Variants in SDK1 observed in about 807,000 individuals in gnomAD.
SDK1 encodes the protein sidekick cell adhesion molecule 1, also known as protein sidekick-1.
SDK1 carries 157 observed loss-of-function variants against 245.5 expected under a neutral mutation model. That is an observed-to-expected ratio of 0.64 (90% confidence interval 0.56 to 0.73). The LOEUF is 0.73. Among genes scored for constraint, SDK1 ranks in the 30% least tolerant of loss-of-function variants. The probability of loss-of-function intolerance (pLI) is 0.00; values close to 1 mark genes in which losing one functional copy is unlikely to be tolerated. For synonymous variants in SDK1, 1,647 were observed against 1,278.5 expected, an observed-to-expected ratio of 1.29 and a Z score of -6.15; for missense variants, 3,583 against 3,002.3, an observed-to-expected ratio of 1.19 and a Z score of -4.52.
At chr7:4,114,348 C>A in intron 25 of SDK1, 74 bp downstream of exon 25, 3 of 1,210,572 alleles carry the variant, frequency 2.5e-6, no homozygotes, top group Non-Finnish European at 3.5e-6. Context: ...GCCTCCAGAT[C>A]CCAGGCTAGT....
intron 4 of SDK1, among the ~76,000 whole-genome samples, chr7:3,808,439 C>T (rs142968676): frequency 1.3e-5 from 2 of 152,338 alleles, no homozygotes; most frequent in South Asian, 2.1e-4. Flanking sequence ...TGTCTCCCAA[C>T]TGTGGCTAAT....
intron 5 of SDK1, among the ~76,000 whole-genome samples, chr7:3,877,997 A>G (rs1310854720): frequency 3.3e-5 from 5 of 152,360 alleles, no homozygotes; most frequent in East Asian, 1.9e-4. Context: ...GGGAATGCCT[A>G]TTTTAAATAA....
At chr7:4,133,036 T>G (rs941064938) in intron 28 of SDK1, among the ~76,000 whole-genome samples, 4 of 152,226 alleles carry the variant, frequency 2.6e-5, no homozygotes, top group African/African-American at 9.6e-5. Context: ...TATGTTGATG[T>G]GTGTTTGAGA....
chr7:3,355,691 G>A (rs1255724415), intron 1 of SDK1, among the ~76,000 whole-genome samples: 3 of 151,960 alleles, frequency 2.0e-5, no homozygotes, highest in Middle Eastern at 3.2e-3. Context: ...GCAGACACCC[G>A]TCATTGCAAT....
At chr7:3,933,025 T>G (rs552917779) in intron 5 of SDK1, among the ~76,000 whole-genome samples, 1 of 151,700 alleles carries the variant, frequency 6.6e-6, no homozygotes, top group Non-Finnish European at 1.5e-5. Context: ...GCCACCGTGC[T>G]GGTAGACGAC....
At chr7:3,962,163 G>A (rs934891650) in intron 8 of SDK1, among the ~76,000 whole-genome samples, 25 of 152,336 alleles carry the variant, frequency 1.6e-4, no homozygotes, top group African/African-American at 5.8e-4. Flanking sequence ...TAACCTGCAT[G>A]TGAGGAAACA....
intron 1 of SDK1, among the ~76,000 whole-genome samples, chr7:3,356,352 T>A (rs1178780987): frequency 6.6e-6 from 1 of 152,160 alleles, no homozygotes; most frequent in East Asian, 1.9e-4. Context: ...GCCGTGCACA[T>A]CAAGAAGTAG....
intron 1 of SDK1, among the ~76,000 whole-genome samples, chr7:3,326,720 A>G (rs11979842): frequency 0.4 from 60,150 of 151,826 alleles, 12,166 homozygotes; most frequent in African/African-American, 0.48. Flanking sequence ...AATACATGCA[A>G]TGGTAGAGTA....
intron 4 of SDK1, among the ~76,000 whole-genome samples, chr7:3,712,928 C>G (rs1438776112): frequency 6.6e-6 from 1 of 152,226 alleles, no homozygotes; most frequent in Non-Finnish European, 1.5e-5. Context: ...GGTTAGTGCA[C>G]TGTTCCCTGA....
chr7:3,589,524 C>A (rs940478974), intron 1 of SDK1, among the ~76,000 whole-genome samples: 1 of 152,110 alleles, frequency 6.6e-6, no homozygotes, highest in Non-Finnish European at 1.5e-5. Context: ...TGAAGAAATA[C>A]CTGAGACTGG....
rs370563104 is a variant in SDK1 at position 4,157,868 on chromosome 7, C to A, written c.4626-580C>A. Among the ~76,000 whole-genome samples the A allele has an allele frequency of 2.2e-3, 332 of 152,250 alleles. 14 individuals carry two copies. In the South Asian group the frequency reaches 0.064, roughly 29 times the overall value. The stretch of plus-strand genomic sequence containing the variant: ...GGGGTGCGGGGCTGGCGGGTCTCTG[C>A]CTGCAGCCGGCCAGGAAGTGGACCT... On this transcript the variant is annotated intron_variant, in intron 30 of 44. Coordinates refer to ENST00000404826, the MANE Select transcript of SDK1 (RefSeq NM_152744.4).
At chr7:3,993,809 C>T (rs555297649) in intron 14 of SDK1, among the ~76,000 whole-genome samples, 2 of 152,250 alleles carry the variant, frequency 1.3e-5, no homozygotes, top group Admixed American at 6.5e-5. Flanking sequence ...ATTACCTGCA[C>T]CTCCTCACTT....
At chr7:3,667,311 G>A (rs905159759) in intron 4 of SDK1, among the ~76,000 whole-genome samples, 3 of 152,078 alleles carry the variant, frequency 2.0e-5, no homozygotes, top group Non-Finnish European at 4.4e-5. Flanking sequence ...TTATTACAAT[G>A]GTAACACCAT....
chr7:3,892,260 A>G (rs1781478694), intron 5 of SDK1, among the ~76,000 whole-genome samples: 1 of 152,188 alleles, frequency 6.6e-6, no homozygotes, highest in Admixed American at 6.5e-5. Context: ...GCTTCCAACA[A>G]CAAACACTTA....
chr7:4,115,487 C>T (rs924814887), intron 25 of SDK1, among the ~76,000 whole-genome samples: 1 of 152,212 alleles, frequency 6.6e-6, no homozygotes, highest in African/African-American at 2.4e-5. Context: ...CTCTTATTCG[C>T]TCTCTTTTGC....
intron 40 of SDK1, among the ~76,000 whole-genome samples, chr7:4,230,358 A>G (rs1013721785): frequency 5.2e-5 from 7 of 134,688 alleles, no homozygotes; most frequent in African/African-American, 1.9e-4. Context: ...GGATGCCTGG[A>G]TGGATAGATG....
chr7:3,577,196 A>G (rs898248573), intron 1 of SDK1, among the ~76,000 whole-genome samples: 50 of 152,164 alleles, frequency 3.3e-4, no homozygotes, highest in African/African-American at 1.1e-3. Flanking sequence ...CAAGACCCCC[A>G]TAGCCCACCT....
At chr7:3,516,242 A>T (rs1182751978) in intron 1 of SDK1, among the ~76,000 whole-genome samples, 2 of 151,796 alleles carry the variant, frequency 1.3e-5, no homozygotes, top group African/African-American at 4.8e-5. Flanking sequence ...TGTGATATAT[A>T]CATAGTATGT....
At chr7:3,408,011 A>G (rs149123921) in intron 1 of SDK1, among the ~76,000 whole-genome samples, 1 of 152,250 alleles carries the variant, frequency 6.6e-6, no homozygotes, top group Admixed American at 6.5e-5. Flanking sequence ...AGGCGAGTGT[A>G]TGATAAAATG....
Sources: allele counts gnomAD v4.1 joint callset (sites outside exome capture counted in the v4.1 genomes callset), GRCh38; gene constraint gnomAD v4.1.1; transcripts MANE v1.5; gene names NCBI Gene and HGNC (gene_info 2026-07-23, HGNC 2026-07-21).